MAB21L4: variants seen among roughly 807,000 people sequenced by gnomAD.
MAB21L4 encodes the protein mab-21 like 4, also known as protein mab-21-like 4.
In MAB21L4, 25 loss-of-function variants were observed where a neutral mutation model predicts 32.4. That is an observed-to-expected ratio of 0.77 (90% CI 0.56 to 1.08). The LOEUF is 1.08. Among genes scored for constraint, MAB21L4 ranks in the 50% least tolerant of loss-of-function variants. The pLI, the probability that MAB21L4 is intolerant of heterozygous loss-of-function variation, is 0.00. For missense variants in MAB21L4, 638 were observed against 611.0 expected (o/e 1.04, Z -0.47); for synonymous variants, 280 against 276.8 (o/e 1.01, Z -0.11).
chr2:240,889,980 AC>A (rs1447075929), intron 3 of MAB21L4, 24 bp downstream of exon 3: 8 of 1,587,354 alleles, frequency 5.0e-6, no homozygotes, highest in African/African-American at 1.3e-5. Context: ...GTGACAGACA[AC>A]CCGCCGAGTC....
At chr2:240,894,192 A>T (rs1004174328) in intron 1 of MAB21L4, among the ~76,000 whole-genome samples, 2 of 151,762 alleles carry the variant, frequency 1.3e-5, no homozygotes, top group African/African-American at 4.8e-5. Flanking sequence ...CAAGCAGATC[A>T]TGGCCTCTCG....
chr2:240,896,267 G>T (rs1274055746), upstream of MAB21L4: 4 of 780,384 alleles, frequency 5.1e-6, no homozygotes, highest in Non-Finnish European at 6.9e-6. Context: ...GGCTGGGTTT[G>T]GTTACCACCC....
chr2:240,895,440 C>T (rs2059179452), intron 1 of MAB21L4, 44 bp downstream of exon 1: 1 of 1,468,196 alleles, frequency 6.8e-7, no homozygotes. Context: ...ACAGCAGCCC[C>T]TCGGTACACG....
At position 240,891,647 on chromosome 2, in the gene MAB21L4, C is replaced by G. The variant is rs1156827808; in HGVS notation, c.631G>C (p.Ala211Pro). 1 of 1,608,954 alleles carries G rather than the reference C, an allele frequency of 6.2e-7. No individual in the cohort carries two copies. Among genetic ancestry groups the G allele is most frequent in the Non-Finnish European group, 8.5e-7 (1 of 1,179,954 alleles). Residue 211 changes from alanine to proline, a missense_variant, in exon 2 of 5, where the codon GCG (alanine) becomes CCG (proline). Transcript: ENST00000388934. ...VVPVVRRKLGAPALEGVQQMP... is the reference protein window; with the variant it reads ...VVPVVRRKLGPPALEGVQQMP... ...TGCTGCACCCCCTCCAGGGCAGGCG[C>G]CCCAAGCTTCCTTCTCACCACGGGC...
At chr2:240,892,471 C>T (rs1244370632) in intron 1 of MAB21L4, among the ~76,000 whole-genome samples, 1 of 151,950 alleles carries the variant, frequency 6.6e-6, no homozygotes, top group African/African-American at 2.4e-5. Context: ...ATGATGGGGG[C>T]AGCTGGGGAG....
chr2:240,893,744 T>TGGGGGCGTGAGGAGCCTCTCC (rs2059169223), intron 1 of MAB21L4, among the ~76,000 whole-genome samples: 1 of 152,162 alleles, frequency 6.6e-6, no homozygotes, highest in Non-Finnish European at 1.5e-5. Flanking sequence ...GGAGGCACTC[T>TGGGGGCGTGAGGAGCCTCTCC]GGGGGCGTGA....
At chr2:240,892,087 C>T (rs2059155661) in intron 1 of MAB21L4, 4 of 1,431,582 alleles carry the variant, frequency 2.8e-6, no homozygotes, top group South Asian at 1.5e-5. Flanking sequence ...ACCACCCTCA[C>T]CCCACACCCC....
chr2:240,888,542 G>C lies in MAB21L4; in HGVS notation c.1001C>G (p.Thr334Arg), dbSNP rs774886970. ...LLVVLLCCLA[T>R]RKLPHFLHPQ... is the part of the protein sequence containing the mutation. ...GTGGAGGAAGTGGGGCAGCTTCCGCGTGGCCAGGCAACAGAGCAGCACCAC... is the reference window on the plus strand; with the variant it reads ...GTGGAGGAAGTGGGGCAGCTTCCGCCTGGCCAGGCAACAGAGCAGCACCAC... Residue 334 changes from threonine to arginine, a missense_variant, in exon 4 of 5, where the codon ACG (threonine) becomes AGG (arginine). Transcript: ENST00000388934. 1.2e-6 allele frequency: 2 copies of C among 1,608,652 alleles called. No homozygotes were observed. Among genetic ancestry groups the C allele is most frequent in the Non-Finnish European group, 1.7e-6 (2 of 1,179,362 alleles).
rs769118806 is a variant in MAB21L4, at chr2:240,887,132, G to A, written c.1282C>T (p.Arg428Trp). 8.1e-6 allele frequency: 13 copies of A among 1,614,140 alleles called. No homozygotes were observed. Among genetic ancestry groups the A allele is most frequent in the South Asian group, 3.3e-5 (3 of 91,076 alleles). Residue 428 changes from arginine (R) to tryptophan (W), a missense_variant, in exon 5 of 5, where the codon CGG becomes TGG. Coordinates refer to ENST00000388934, the MANE Select transcript of MAB21L4 (RefSeq NM_001085437.3). The stretch of plus-strand genomic sequence containing the variant: ...AAGATGCTCTGCATGGCAGAGATCC[G>A]GTCCTTATCCTGGATGTTGAAGACC... ...FQVFNIQDKD[R>W]ISAMQSIFQK...
chr2:240,893,540 C>G (rs1417189598), intron 1 of MAB21L4, among the ~76,000 whole-genome samples: 1 of 152,252 alleles, frequency 6.6e-6, no homozygotes, highest in African/African-American at 2.4e-5. Context: ...TGCACCAGCC[C>G]GGCCACAGGC....
In MAB21L4 at chr2:240,895,655, T is replaced by A. The variant is rs764873006; in HGVS notation, c.343A>T (p.Arg115Trp). Residue 115 changes from arginine (R) to tryptophan (W), a missense_variant, in exon 1 of 5, where the codon AGG (arginine) becomes TGG (tryptophan). By Grantham distance (101) the Arg-to-Trp change is moderately radical (BLOSUM62 -3). Transcript: ENST00000388934. Reference sequence around the variant, plus strand: ...CACCGCTCCAGGCCAGCCCCTTCCCTGGGCACACCCAGGTGGCATAATTCA... The same window carrying A: ...CACCGCTCCAGGCCAGCCCCTTCCCAGGGCACACCCAGGTGGCATAATTCA... ...GLELCHLGVP[R>W]EGAGLERWTT... 12 of 1,612,806 alleles carry A rather than the reference T, an allele frequency of 7.4e-6. No individual in the cohort carries two copies. The highest frequency in any genetic ancestry group is 1.0e-5 in the Non-Finnish European group (12 of 1,180,016).
Position 240,886,926 on chromosome 2 carries a change from G to T in MAB21L4, c.*144C>A, listed in dbSNP as rs146564300. On this transcript the variant is annotated 3_prime_UTR_variant, in exon 5 of 5. Coordinates refer to ENST00000388934, the MANE Select transcript of MAB21L4 (RefSeq NM_001085437.3). ...CACCAGGCACTGAAAGACTCTCAGA[G>T]GCCACTGCTGGGGACAAAATCCCTC... 2.2e-3 allele frequency: 1,335 copies of T among 617,688 alleles called. 19 individuals are homozygous for T. In the African/African-American group the frequency reaches 0.023, roughly 11 times the overall value. The allele number at this position is 617,688 out of a possible 1,614,324, so 38.3% of individuals were successfully genotyped here.
At chr2:240,890,284 C>A in intron 2 of MAB21L4, 126 bp from the exon 3 acceptor site, 1 of 1,184,290 alleles carries the variant, frequency 8.4e-7, no homozygotes, top group Non-Finnish European at 1.1e-6. Context: ...CTGGTGGGAC[C>A]CAGCCGGAAC....
chr2:240,892,361 CTGCCCCT>C (rs1275280304), intron 1 of MAB21L4, among the ~76,000 whole-genome samples: 5 of 151,806 alleles, frequency 3.3e-5, no homozygotes, highest in African/African-American at 1.2e-4. Context: ...CCCCTGCCCC[CTGCCCCT>C]GCCCCTGGAA....
chr2:240,887,270 G>T, intron 4 of MAB21L4, 108 bp from the exon 5 acceptor site: 1 of 897,912 alleles, frequency 1.1e-6, no homozygotes, highest in Non-Finnish European at 1.8e-6. Flanking sequence ...CCTGGGCCAT[G>T]CCGGGCCTTC....
chr2:240,888,609 C>CG lies in MAB21L4; in HGVS notation c.933dup (p.Glu312ArgfsTer91). The stretch of plus-strand genomic sequence containing the variant: ...GCGCCCTGCAGTTCTGCCCAGTCCT[C>CG]GGGCGCCAGGAAGAGCACAGAGGCC... On this transcript the variant is annotated frameshift_variant, in exon 4 of 5. Coordinates refer to ENST00000388934, the MANE Select transcript of MAB21L4 (RefSeq NM_001085437.3). LOFTEE classifies it high-confidence loss of function. 2.5e-6 allele frequency: 4 copies of CG among 1,599,762 alleles called. No individual in the cohort carries two copies. The highest frequency in any genetic ancestry group is 3.4e-6 in the Non-Finnish European group (4 of 1,173,568).
Position 240,895,952 on chromosome 2 carries a change from G to A in MAB21L4, c.46C>T (p.Pro16Ser). 6.7e-7 allele frequency: 1 copy of A among 1,486,404 alleles called. No individual in the cohort carries two copies. Among genetic ancestry groups the A allele is most frequent in the South Asian group, 1.4e-5 (1 of 72,654 alleles). The allele number at this position is 1,486,404 out of a possible 1,614,324, so 92.1% of individuals were successfully genotyped here. The change falls in exon 1 of 5, where the codon CCC becomes TCC. Residue 16 changes from proline to serine, a missense_variant. Physicochemically the swap from Pro to Ser is moderately conservative, Grantham distance 74. Transcript: ENST00000388934. ...GCCTGCAGGTAGTGGTGCCACAGGG[G>A]CACCTGCACGGCCATGGCTGAGGTG... ...LPTSAMAVQV[P>S]LWHHYLQAIR...
chr2:240,891,999 C>T (rs767419710), intron 1 of MAB21L4: 584 of 1,517,080 alleles, frequency 3.8e-4, no homozygotes, highest in Non-Finnish European at 4.8e-4. Flanking sequence ...TGACAGTCCT[C>T]GGCACAACTG....
chr2:240,895,498 C>T lies in MAB21L4; in HGVS notation c.500G>A (p.Ser167Asn). 2 of 1,568,230 alleles carry T rather than the reference C, an allele frequency of 1.3e-6. No individual in the cohort carries two copies. The highest frequency in any genetic ancestry group is 2.7e-5 in the African/African-American group (2 of 74,232). Residue 167 changes from serine (S) to asparagine (N), a missense_variant, in exon 1 of 5, where the codon AGT (serine) becomes AAT (asparagine). By Grantham distance (46) the Ser-to-Asn change is conservative (BLOSUM62 1). Transcript: ENST00000388934. ...TGTGCCTGTACCTGGTGCGATGAGA[C>T]TGTGGTGCTTGCAGTGTACGATGGC... ...VAAIVHCKHH[S>N]LIAPGSLNAA...
Sources: allele counts gnomAD v4.1 joint callset (sites outside exome capture counted in the v4.1 genomes callset), GRCh38; gene constraint gnomAD v4.1.1; transcripts MANE v1.5; gene names NCBI Gene and HGNC (gene_info 2026-07-23, HGNC 2026-07-21).